Variants in FAR1 observed in about 807,000 individuals in gnomAD.
FAR1 encodes the protein male sterility domain-containing protein 2.
In FAR1, 22 loss-of-function variants were observed where a neutral mutation model predicts 61.1. The observed-to-expected ratio is 0.36, with a 90% CI of 0.26 to 0.51. The LOEUF is 0.51. Among genes scored for constraint, FAR1 ranks in the 20% least tolerant of loss-of-function variants. The probability of loss-of-function intolerance (pLI) is 0.95; values close to 1 mark genes in which losing one functional copy is unlikely to be tolerated. For missense variants in FAR1, 359 were observed against 626.9 expected (o/e 0.57, Z 4.56); for synonymous variants, 206 against 209.7 (o/e 0.98, Z 0.15).
rs949909601 is a variant in FAR1, at chr11:13,678,324, G to C, written c.-8+9518G>C. Among the ~76,000 whole-genome samples the C allele has an allele frequency of 2.0e-5, 3 of 152,122 alleles. No individual in the cohort carries two copies. The South Asian group carries it at 6.2e-4, about 32-fold the overall frequency. ...GTGTCGCCCAGGAGGGAGTGCAGTGGTGCGATCTCCGCTCACTGCAAGCTC... is the reference window on the plus strand; with the variant it reads ...GTGTCGCCCAGGAGGGAGTGCAGTGCTGCGATCTCCGCTCACTGCAAGCTC... On this transcript the variant is annotated intron_variant, in intron 1 of 11. Transcript: ENST00000354817.
rs528274856 is a variant in FAR1 at position 13,719,468 on chromosome 11, A to G, written c.1128-2262A>G. On this transcript the variant is annotated intron_variant, in intron 9 of 11. Coordinates refer to ENST00000354817, the MANE Select transcript of FAR1 (RefSeq NM_032228.6). The stretch of plus-strand genomic sequence containing the variant: ...GCCTTACTATGATGCCTAATTCTAC[A>G]TTAAACTGATGTCAGTCATGTCATT... Among the ~76,000 whole-genome samples, 4 of 152,324 alleles carry G rather than the reference A, an allele frequency of 2.6e-5. No individual in the cohort carries two copies. The East Asian group carries it at 7.7e-4, about 29-fold the overall frequency.
chr11:13,718,294 C>T (rs1848575434), intron 9 of FAR1, among the ~76,000 whole-genome samples: 1 of 152,184 alleles, frequency 6.6e-6, no homozygotes, highest in Non-Finnish European at 1.5e-5. Flanking sequence ...ACATTTCCTC[C>T]AAATTCCACT....
At chr11:13,720,836 G>C (rs1044049096) in intron 9 of FAR1, 2 of 151,684 alleles carry the variant, frequency 1.3e-5, no homozygotes, top group African/African-American at 4.8e-5. Flanking sequence ...GGATTTTTTT[G>C]GTGTTTGTTT....
intron 1 of FAR1, among the ~76,000 whole-genome samples, chr11:13,682,753 T>C (rs2134171445): frequency 6.6e-6 from 1 of 152,036 alleles, no homozygotes; most frequent in South Asian, 2.1e-4. Context: ...GAATCACAGG[T>C]GTGCACCACT....
At chr11:13,726,229 G>A (rs1848665824) in intron 10 of FAR1, among the ~76,000 whole-genome samples, 1 of 151,930 alleles carries the variant, frequency 6.6e-6, no homozygotes, top group Non-Finnish European at 1.5e-5. Context: ...TGCAGCTTAT[G>A]CAATAAATAT....
At chr11:13,682,936 T>G (rs1848144509) in intron 1 of FAR1, among the ~76,000 whole-genome samples, 1 of 152,178 alleles carries the variant, frequency 6.6e-6, no homozygotes, top group African/African-American at 2.4e-5. Flanking sequence ...AAGGGACATT[T>G]ATTTGAAGTT....
In FAR1 at chr11:13,700,312, G is replaced by T. The variant is rs377505176; in HGVS notation, c.190-5G>T. On this transcript the variant is annotated splice_region_variant and splice_polypyrimidine_tract_variant and intron_variant, in intron 2 of 11. Coordinates refer to ENST00000354817, the MANE Select transcript of FAR1 (RefSeq NM_032228.6). ...TGTAAAATAAATATTTTTCCCTCTT[G>T]ATAGCTTTTTGACAGATTGAGAGAT... 4.7e-4 allele frequency: 728 copies of T among 1,558,116 alleles called. 5 individuals are homozygous for T. In the African/African-American group the frequency reaches 9.4e-3, roughly 20 times the overall value.
At chr11:13,697,877 C>G (rs1434309902) in intron 2 of FAR1, among the ~76,000 whole-genome samples, 1 of 152,058 alleles carries the variant, frequency 6.6e-6, no homozygotes, top group Non-Finnish European at 1.5e-5. Flanking sequence ...CTCACTAGGT[C>G]CAGTGAGATG....
chr11:13,704,740 A>C (rs1478341241), intron 3 of FAR1, among the ~76,000 whole-genome samples: 3 of 152,196 alleles, frequency 2.0e-5, no homozygotes, highest in Admixed American at 6.5e-5. Context: ...AAGATTAAAA[A>C]AAATGGCAGT....
chr11:13,719,413 A>C (rs985124090), intron 9 of FAR1, among the ~76,000 whole-genome samples: 3 of 152,202 alleles, frequency 2.0e-5, no homozygotes, highest in Non-Finnish European at 2.9e-5. Context: ...TTTATTGAGC[A>C]CAGTAATAGA....
At chr11:13,726,852 T>G (rs1393473021) in intron 10 of FAR1, among the ~76,000 whole-genome samples, 1 of 151,976 alleles carries the variant, frequency 6.6e-6, no homozygotes, top group Admixed American at 6.6e-5. Flanking sequence ...TTTACTGAAT[T>G]TTTTATAGTA....
intron 9 of FAR1, chr11:13,720,657 T>C (rs1460640540): frequency 1.3e-5 from 2 of 151,792 alleles, no homozygotes; most frequent in East Asian, 3.9e-4. Flanking sequence ...TTGATTTTTT[T>C]CTCCTTATTT....
intron 10 of FAR1, among the ~76,000 whole-genome samples, chr11:13,724,311 G>A (rs930082567): frequency 6.6e-5 from 10 of 152,092 alleles, no homozygotes; most frequent in Non-Finnish European, 1.5e-4. Context: ...ACTTTGGGAG[G>A]CCAGTGCTGG....
Position 13,730,793 on chromosome 11 carries a change from T to C in FAR1, c.*2019T>C, listed in dbSNP as rs1325203235. On this transcript the variant is annotated 3_prime_UTR_variant, in exon 12 of 12. Transcript: ENST00000354817. ...AAAGAAATGTTAACTGGGAGGGTGCTGAGGCCACTCACTGCATTAATTTTG... is the reference window on the plus strand; with the variant it reads ...AAAGAAATGTTAACTGGGAGGGTGCCGAGGCCACTCACTGCATTAATTTTG... 1.3e-5 allele frequency: 2 copies of C among 152,094 alleles called. No homozygotes were observed. The highest frequency in any genetic ancestry group is 2.9e-5 in the Non-Finnish European group (2 of 67,984). The allele number at this position is 152,094 out of a possible 1,614,324, so 9.4% of individuals were successfully genotyped here. A position where few individuals can be genotyped will look rare whatever the true frequency, so the allele number is the denominator to read the frequency against.
chr11:13,710,525 T>C (rs1848486426), intron 4 of FAR1, among the ~76,000 whole-genome samples, 168 bp from the exon 5 acceptor site: 1 of 152,130 alleles, frequency 6.6e-6, no homozygotes, highest in South Asian at 2.1e-4. Flanking sequence ...TGTGGACCTG[T>C]AGTTGATGTT....
At position 13,711,154 on chromosome 11, in the gene FAR1, T is replaced by C. The variant is rs1208203926; in HGVS notation, c.723+284T>C. ...AGAGGAGATTTGGTTTGTTTCTTAG[T>C]AGCAAAAAGAGGCAGACCTTCCAGG... On this transcript the variant is annotated intron_variant, in intron 5 of 11. Coordinates refer to ENST00000354817, the MANE Select transcript of FAR1 (RefSeq NM_032228.6). The C allele has an allele frequency of 8.2e-6, 3 of 365,992 alleles. No individual in the cohort carries two copies. In the Admixed American group the frequency reaches 1.4e-4, roughly 18 times the overall value. 22.7% of individuals were successfully genotyped at this position (365,992 alleles called of 1,614,324 possible).
chr11:13,676,554 G>T (rs544884463), intron 1 of FAR1, among the ~76,000 whole-genome samples: 1 of 152,174 alleles, frequency 6.6e-6, no homozygotes, highest in Non-Finnish European at 1.5e-5. Flanking sequence ...TTGATTCTCA[G>T]TGGAGCCCTG....
intron 10 of FAR1, among the ~76,000 whole-genome samples, chr11:13,727,199 G>A (rs555215176): frequency 2.0e-5 from 3 of 151,952 alleles, no homozygotes; most frequent in Non-Finnish European, 2.9e-5. Flanking sequence ...GTATCAGTAC[G>A]TGCATAAAGT....
intron 1 of FAR1, among the ~76,000 whole-genome samples, chr11:13,694,142 GT>G (rs1848284193): frequency 6.6e-6 from 1 of 152,054 alleles, no homozygotes; most frequent in Non-Finnish European, 1.5e-5. Context: ...CTTTTCTGCT[GT>G]TTTAGAGGAA....
Sources: allele counts gnomAD v4.1 joint callset (sites outside exome capture counted in the v4.1 genomes callset), GRCh38; gene constraint gnomAD v4.1.1; transcripts MANE v1.5; gene names NCBI Gene and HGNC (gene_info 2026-07-23, HGNC 2026-07-21).